PRR16: variants seen among roughly 807,000 people sequenced by gnomAD.
PRR16 encodes protein Largen.
In PRR16, 6 loss-of-function variants were observed where a neutral mutation model predicts 18.2. The ratio of observed to expected loss-of-function variants is 0.33; its 90% CI spans 0.18 to 0.65. The LOEUF (loss-of-function observed/expected upper bound fraction) is 0.65, where lower values mean the gene tolerates loss of function less well. Ranked by LOEUF, PRR16 falls within the 30% of genes least tolerant of loss-of-function variation. The probability of loss-of-function intolerance (pLI) is 0.74; values close to 1 mark genes in which losing one functional copy is unlikely to be tolerated. For missense variants in PRR16, 412 were observed against 376.6 expected (o/e 1.09, Z -0.78); for synonymous variants, 151 against 147.8 (o/e 1.02, Z -0.16).
chr5:120,739,445 A>G, the PRR16 span, among the ~76,000 whole-genome samples: 166 of 152,314 alleles, frequency 1.1e-3, 2 homozygotes, highest in East Asian at 0.029. Context: ...GTCTAACTCA[A>G]CTATGAGAAC....
chr5:120,770,420 A>G, the PRR16 span, among the ~76,000 whole-genome samples: 39,960 of 151,812 alleles, frequency 0.26, 5,577 homozygotes, highest in Non-Finnish European at 0.3. Flanking sequence ...AGAAAAATCA[A>G]CTTTAAATAG....
At position 120,573,885 on chromosome 5, in the gene PRR16, A is replaced by C. The variant is rs566042082; in HGVS notation, c.159+109240A>C. On this transcript the variant is annotated intron_variant, in intron 1 of 1. Coordinates refer to ENST00000407149, the MANE Select transcript of PRR16 (RefSeq NM_001300783.2). ...ATTTATATGGTATGTGTATATATATAATTTGTATGATATGTGTGTATATAT... is the reference window on the plus strand; with the variant it reads ...ATTTATATGGTATGTGTATATATATCATTTGTATGATATGTGTGTATATAT... 1.9e-3 allele frequency among the ~76,000 whole-genome samples: 226 copies of C among 121,996 alleles called. 1 individual carries two copies. Among genetic ancestry groups the C allele is most frequent in the African/African-American group, 6.7e-3 (218 of 32,328 alleles). The allele number at this position is 121,996 out of a possible 152,430, so 80.0% of individuals were successfully genotyped here. A position where few individuals can be genotyped will look rare whatever the true frequency, so the allele number is the denominator to read the frequency against.
chr5:120,596,746 A>G (rs952156506), intron 1 of PRR16, among the ~76,000 whole-genome samples: 4 of 151,606 alleles, frequency 2.6e-5, no homozygotes, highest in African/African-American at 9.7e-5. Flanking sequence ...CCTCAATTTC[A>G]TATTTATTAT....
chr5:120,584,950 A>G (rs993668223), intron 1 of PRR16, among the ~76,000 whole-genome samples: 4 of 151,230 alleles, frequency 2.6e-5, no homozygotes, highest in African/African-American at 9.7e-5. Flanking sequence ...GGGGGCTGAA[A>G]CTCCTCTCCT....
intron 1 of PRR16, among the ~76,000 whole-genome samples, chr5:120,682,967 TA>T (rs1332527499): frequency 1.3e-5 from 2 of 152,134 alleles, no homozygotes; most frequent in Non-Finnish European, 2.9e-5. Context: ...GGAAAAATTT[TA>T]AGGATGTGTC....
At chr5:120,657,090 T>G (rs1399620169) in intron 1 of PRR16, among the ~76,000 whole-genome samples, 4 of 151,950 alleles carry the variant, frequency 2.6e-5, no homozygotes, top group African/African-American at 7.2e-5. Flanking sequence ...CATCACAAAA[T>G]CAAACTGATT....
the PRR16 span, among the ~76,000 whole-genome samples, chr5:120,791,584 C>CATCTATCTATCTATCTATCT: frequency 4.4e-3 from 561 of 127,472 alleles, 1 homozygote; most frequent in African/African-American, 5.5e-3. Flanking sequence ...GAACTTCTAT[C>CATCTATCTATCTATCTATCT]ATCTATCTAT....
intron 1 of PRR16, among the ~76,000 whole-genome samples, chr5:120,522,853 T>C (rs780556061): frequency 3.3e-5 from 5 of 152,176 alleles, no homozygotes; most frequent in Non-Finnish European, 7.3e-5. Flanking sequence ...CCTGACCTCG[T>C]GATCCACCTG....
chr5:120,783,199 T>G, the PRR16 span, among the ~76,000 whole-genome samples: 1 of 152,242 alleles, frequency 6.6e-6, no homozygotes, highest in Admixed American at 6.5e-5. Flanking sequence ...TATCATTTTC[T>G]TCACATTACA....
intron 1 of PRR16, among the ~76,000 whole-genome samples, chr5:120,582,355 T>C (rs1312425888): frequency 6.6e-6 from 1 of 152,160 alleles, no homozygotes; most frequent in Non-Finnish European, 1.5e-5. Context: ...GAATATAATG[T>C]TCAATATTTG....
intron 1 of PRR16, among the ~76,000 whole-genome samples, chr5:120,496,197 A>G (rs72786260): frequency 0.023 from 3,559 of 152,128 alleles, 51 homozygotes; most frequent in South Asian, 0.035. Flanking sequence ...GGTAAAAACA[A>G]TTGATAAGGA....
chr5:120,736,001 G>A, the PRR16 span, among the ~76,000 whole-genome samples: 1 of 152,062 alleles, frequency 6.6e-6, no homozygotes, highest in Non-Finnish European at 1.5e-5. Context: ...GTACACCATG[G>A]AAGGTAAGGA....
At chr5:120,668,383 A>G (rs1205922700) in intron 1 of PRR16, among the ~76,000 whole-genome samples, 1 of 149,686 alleles carries the variant, frequency 6.7e-6, no homozygotes, top group Non-Finnish European at 1.5e-5. Flanking sequence ...AATACAGCAC[A>G]CTGATGGGTC....
At chr5:120,479,426 A>G (rs776728081) in intron 1 of PRR16, among the ~76,000 whole-genome samples, 5 of 152,164 alleles carry the variant, frequency 3.3e-5, no homozygotes, top group African/African-American at 4.8e-5. Flanking sequence ...ACCTTCCAGC[A>G]TGCTATATTT....
intron 1 of PRR16, among the ~76,000 whole-genome samples, chr5:120,530,859 T>C (rs978437463): frequency 6.6e-6 from 1 of 152,134 alleles, no homozygotes; most frequent in Admixed American, 6.6e-5. Flanking sequence ...CTTAAGACAA[T>C]CCCTGCTACC....
intron 1 of PRR16, among the ~76,000 whole-genome samples, chr5:120,602,634 C>G (rs1208663767): frequency 2.0e-5 from 3 of 151,934 alleles, no homozygotes; most frequent in Non-Finnish European, 4.4e-5. Flanking sequence ...GCATTCTTGT[C>G]TTGTGCTGGT....
At chr5:120,754,603 C>T in the PRR16 span, among the ~76,000 whole-genome samples, 11,062 of 84,114 alleles carry the variant, frequency 0.13, 798 homozygotes, top group African/African-American at 0.23. Flanking sequence ...TAATATATAT[C>T]GTTATATATT....
At chr5:120,731,255 AT>A in the PRR16 span, among the ~76,000 whole-genome samples, 1 of 152,184 alleles carries the variant, frequency 6.6e-6, no homozygotes, top group Non-Finnish European at 1.5e-5. Context: ...AAAATATGTA[AT>A]TCTGGAATAG....
intron 1 of PRR16, among the ~76,000 whole-genome samples, chr5:120,666,170 T>A: frequency 6.6e-6 from 1 of 152,210 alleles, no homozygotes; most frequent in Non-Finnish European, 1.5e-5. Flanking sequence ...AAGAGGTCCT[T>A]CACATCCCTT....
Sources: allele counts gnomAD v4.1 joint callset (sites outside exome capture counted in the v4.1 genomes callset), GRCh38; gene constraint gnomAD v4.1.1; transcripts MANE v1.5; gene names NCBI Gene and HGNC (gene_info 2026-07-23, HGNC 2026-07-21).